The following ZNF335 variants were observed in gnomAD, a reference collection of about 807,000 sequenced individuals.
ZNF335 encodes zinc finger protein 335.
In ZNF335, 84 loss-of-function variants were observed where a neutral mutation model predicts 145.6. That is an observed-to-expected ratio of 0.58 (90% confidence interval 0.48 to 0.69). The LOEUF (loss-of-function observed/expected upper bound fraction) is 0.69, where lower values mean the gene tolerates loss of function less well. Among genes scored for constraint, ZNF335 ranks in the 30% least tolerant of loss-of-function variants. ZNF335 has a pLI of 0.00. For synonymous variants in ZNF335, 761 were observed against 717.0 expected, an observed-to-expected ratio of 1.06 and a Z score of -0.98; for missense variants, 1,865 against 1,809.7, an observed-to-expected ratio of 1.03 and a Z score of -0.55.
At position 45,957,476 on chromosome 20, in the gene ZNF335, C is replaced by A. The variant is rs535716818; in HGVS notation, c.2442+110G>T. ...CTGTCTCCTCCACTGCCTGGGAGCT[C>A]CCAAGGGCGGAGAAGCTCTGATACA... On this transcript the variant is annotated intron_variant, in intron 17 of 27. Coordinates refer to ENST00000322927, the MANE Select transcript of ZNF335 (RefSeq NM_022095.4). The A allele has an allele frequency of 1.4e-3, 1,513 of 1,057,278 alleles. 2 individuals carry two copies. The highest frequency in any genetic ancestry group is 2.0e-3 in the Non-Finnish European group (1,411 of 715,332). The allele number at this position is 1,057,278 out of a possible 1,614,324, so 65.5% of individuals were successfully genotyped here.
intron 6 of ZNF335, among the ~76,000 whole-genome samples, chr20:45,966,358 G>A (rs946253862): frequency 3.3e-5 from 5 of 151,804 alleles, no homozygotes; most frequent in Non-Finnish European, 5.9e-5. Context: ...GATTACAGGC[G>A]TGAGCCACTG....
At chr20:45,967,368 C>T (rs923154711) in intron 6 of ZNF335, 126 bp downstream of exon 6, 1 of 1,475,084 alleles carries the variant, frequency 6.8e-7, no homozygotes, top group African/African-American at 1.4e-5. Flanking sequence ...CCTCCTCTGT[C>T]TTATACTGGA....
rs774654815 is a variant in ZNF335 at position 45,957,872 on chromosome 20, A to G, written c.2310T>C (p.Ser770=). Residue 770 remains serine (S), a synonymous_variant, in exon 16 of 28, where the codon TCT becomes TCC. Transcript: ENST00000322927. ...QSSEAPSLLC[S]DTLGGATIIY... is the part of the protein sequence containing the mutation. ...TGATGGTGGCGCCGCCCAGGGTGTCAGAACAGAGCAATGAGGGAGCCTCAG... is the reference window on the plus strand; with the variant it reads ...TGATGGTGGCGCCGCCCAGGGTGTCGGAACAGAGCAATGAGGGAGCCTCAG... 6.2e-7 allele frequency: 1 copy of G among 1,614,016 alleles called. No homozygotes were observed. The highest frequency in any genetic ancestry group is 1.1e-5 in the South Asian group (1 of 91,078).
rs2083785453 is a variant in ZNF335 at position 45,959,291 on chromosome 20, G to A, written c.2163C>T (p.Arg721=). The change falls in exon 15 of 28, where the codon CGC becomes CGT. Residue 721 remains arginine (R), a synonymous_variant. Coordinates refer to ENST00000322927, the MANE Select transcript of ZNF335 (RefSeq NM_022095.4). ...CAATCTGCTGCAGAGAGAAGAAGGG[G>A]CGACGGCGGGAGGGGGGCTCCTCAG... ...RHPEEPPSRR[R]PFFSLQQIEE... is the part of the protein sequence containing the mutation. The A allele has an allele frequency of 6.4e-7, 1 of 1,559,278 alleles. No individual in the cohort carries two copies. The highest frequency in any genetic ancestry group is 1.7e-4 in the Middle Eastern group (1 of 5,864).
At chr20:45,962,261 A>G (rs1344252925) in intron 9 of ZNF335, 79 bp from the exon 10 acceptor site, 2 of 1,139,766 alleles carry the variant, frequency 1.8e-6, no homozygotes, top group East Asian at 2.4e-5. Flanking sequence ...CTGTGGCCAC[A>G]GTCTTAGGGT....
intron 17 of ZNF335, among the ~76,000 whole-genome samples, chr20:45,955,813 C>G (rs1373263298): frequency 9.7e-6 from 1 of 102,602 alleles, no homozygotes; most frequent in Non-Finnish European, 2.0e-5. Flanking sequence ...AAATGAGACT[C>G]CATCTCAAAA....
intron 20 of ZNF335, among the ~76,000 whole-genome samples, 166 bp from the exon 21 acceptor site, chr20:45,950,761 T>C (rs536822934): frequency 6.6e-6 from 1 of 152,340 alleles, no homozygotes; most frequent in East Asian, 1.9e-4. Flanking sequence ...GCCGGATCCG[T>C]ATCTGGTGCT....
chr20:45,953,486 A>G (rs761606527), intron 18 of ZNF335, among the ~76,000 whole-genome samples: 3 of 152,224 alleles, frequency 2.0e-5, no homozygotes, highest in African/African-American at 2.4e-5. Flanking sequence ...AGGTCCCATC[A>G]TGAGTGCCAA....
chr20:45,953,478 G>A (rs1449072447), intron 18 of ZNF335, among the ~76,000 whole-genome samples: 8 of 152,176 alleles, frequency 5.3e-5, no homozygotes. Context: ...AATGGCTTAG[G>A]TCCCATCATG....
At chr20:45,949,737 A>T (rs559469292) in intron 24 of ZNF335, 63 bp downstream of exon 24, 8 of 1,585,308 alleles carry the variant, frequency 5.0e-6, no homozygotes, top group Non-Finnish European at 6.1e-6. Context: ...TTCCTCCCCA[A>T]GGTAGGTCTT....
At chr20:45,949,301 C>T (rs772754282) in intron 26 of ZNF335, 32 bp downstream of exon 26, 91 of 1,613,874 alleles carry the variant, frequency 5.6e-5, no homozygotes, top group Non-Finnish European at 7.6e-5. Flanking sequence ...CCTGCCTGTG[C>T]CCCAGGTCTC....
At chr20:45,962,223 T>G (rs1481736745) in intron 9 of ZNF335, 41 bp from the exon 10 acceptor site, 4 of 1,496,976 alleles carry the variant, frequency 2.7e-6, no homozygotes, top group Admixed American at 3.4e-5. Flanking sequence ...GGGCTTGGCC[T>G]CCTCTCCCAT....
intron 9 of ZNF335, among the ~76,000 whole-genome samples, 167 bp downstream of exon 9, chr20:45,963,306 G>A (rs1377706465): frequency 6.6e-6 from 1 of 152,194 alleles, no homozygotes; most frequent in African/African-American, 2.4e-5. Context: ...GCTCTGAGGA[G>A]CTGAGCGTTC....
intron 1 of ZNF335, 143 bp downstream of exon 1, chr20:45,971,979 G>A: frequency 8.6e-7 from 1 of 1,166,078 alleles, no homozygotes; most frequent in Non-Finnish European, 1.1e-6. Flanking sequence ...AGGCAAGTGC[G>A]AGAGCGACTA....
chr20:45,955,835 T>G (rs1014075867), intron 17 of ZNF335, among the ~76,000 whole-genome samples: 4 of 151,358 alleles, frequency 2.6e-5, no homozygotes, highest in African/African-American at 9.7e-5. Context: ...AAAAAAAAAT[T>G]TATGAGCACT....
chr20:45,955,031 T>C (rs2083701604), intron 17 of ZNF335, among the ~76,000 whole-genome samples: 1 of 151,986 alleles, frequency 6.6e-6, no homozygotes, highest in Admixed American at 6.6e-5. Flanking sequence ...AGTGCTGGGA[T>C]TACAAGTGTG....
chr20:45,967,472 C>T, intron 6 of ZNF335, 22 bp downstream of exon 6: 2 of 1,614,044 alleles, frequency 1.2e-6, no homozygotes, highest in Non-Finnish European at 1.7e-6. Flanking sequence ...GGATGGCAGG[C>T]CTAGAAACCA....
At position 45,952,443 on chromosome 20, in the gene ZNF335, C is replaced by CA; in HGVS notation, c.2892dup (p.Gly965TrpfsTer9). On this transcript the variant is annotated frameshift_variant, in exon 20 of 28. Transcript: ENST00000322927. LOFTEE classifies it high-confidence loss of function. ...TCAGGGCCGTCTCTGGGCAGTCCCC[C>CA]ACACTGCAGCAGGGGCCATTTGGCA... is the stretch of plus-strand genomic sequence containing the variant. 6.4e-7 allele frequency: 1 copy of CA among 1,567,970 alleles called. No individual in the cohort carries two copies. The highest frequency in any genetic ancestry group is 8.7e-7 in the Non-Finnish European group (1 of 1,154,078).
chr20:45,970,859 G>A (rs2084048373), intron 2 of ZNF335, among the ~76,000 whole-genome samples: 1 of 150,482 alleles, frequency 6.6e-6, no homozygotes, highest in Non-Finnish European at 1.5e-5. Flanking sequence ...CCAAAGTGCT[G>A]GGATTACAGG....
Sources: allele counts gnomAD v4.1 joint callset (sites outside exome capture counted in the v4.1 genomes callset), GRCh38; gene constraint gnomAD v4.1.1; transcripts MANE v1.5; gene names NCBI Gene and HGNC (gene_info 2026-07-23, HGNC 2026-07-21).